The following NFKB1 variants were observed in gnomAD, a reference collection of about 807,000 sequenced individuals.
NFKB1 encodes the protein nuclear factor kappa B subunit 1.
A neutral mutation model predicts 105.1 loss-of-function variants in NFKB1; 9 were observed. The ratio of observed to expected loss-of-function variants is 0.09; its 90% CI spans 0.05 to 0.15. NFKB1 has a LOEUF of 0.15. Among genes scored for constraint, NFKB1 ranks in the 10% least tolerant of loss-of-function variants. The pLI is 1.00. For missense variants in NFKB1, 830 were observed against 1,203.7 expected (o/e 0.69, Z 4.59); for synonymous variants, 440 against 442.2 (o/e 1.00, Z 0.06).
At chr4:102,576,839 G>A (rs1481876599) in intron 6 of NFKB1, 37 bp from the exon 7 acceptor site, 1 of 1,572,444 alleles carries the variant, frequency 6.4e-7, no homozygotes, top group East Asian at 2.3e-5. Context: ...CTAACTTTTG[G>A]TTGTTGTTGC....
intron 1 of NFKB1, among the ~76,000 whole-genome samples, chr4:102,523,900 A>G (rs1740729248): frequency 6.6e-6 from 1 of 152,176 alleles, no homozygotes; most frequent in South Asian, 2.1e-4. Flanking sequence ...TGTAGGGTAT[A>G]CACTAGGTAA....
intron 5 of NFKB1, among the ~76,000 whole-genome samples, chr4:102,559,889 G>A (rs1388590623): frequency 1.3e-5 from 2 of 149,942 alleles, no homozygotes; most frequent in African/African-American, 4.9e-5. Context: ...AGTGAGCCAT[G>A]ATCATACCAC....
intron 2 of NFKB1, among the ~76,000 whole-genome samples, chr4:102,528,721 C>T (rs180947576): frequency 6.6e-5 from 10 of 152,098 alleles, no homozygotes; most frequent in African/African-American, 2.2e-4. Context: ...AATGAGCCAG[C>T]GGTTACAATG....
chr4:102,597,424 C>G, intron 14 of NFKB1, 96 bp from the exon 15 acceptor site: 1 of 1,276,298 alleles, frequency 7.8e-7, no homozygotes, highest in Non-Finnish European at 1.1e-6. Flanking sequence ...GTCAAGGTGT[C>G]AGAACACTGA....
At chr4:102,506,050 G>A (rs2149093622) in intron 1 of NFKB1, among the ~76,000 whole-genome samples, 1 of 152,132 alleles carries the variant, frequency 6.6e-6, no homozygotes, top group African/African-American at 2.4e-5. Flanking sequence ...AAAAGTATCT[G>A]GCGCCTTCCA....
At chr4:102,507,325 C>G (rs1320868878) in intron 1 of NFKB1, among the ~76,000 whole-genome samples, 1 of 152,026 alleles carries the variant, frequency 6.6e-6, no homozygotes, top group Non-Finnish European at 1.5e-5. Context: ...GAAGCATAAA[C>G]AAAACAAACA....
chr4:102,615,126 C>T (rs1156422290), intron 23 of NFKB1, among the ~76,000 whole-genome samples: 2 of 152,154 alleles, frequency 1.3e-5, no homozygotes, highest in African/African-American at 2.4e-5. Flanking sequence ...TCTAAAAAAT[C>T]AGTGACATTG....
intron 1 of NFKB1, among the ~76,000 whole-genome samples, chr4:102,515,676 T>A (rs1341028617): frequency 1.3e-5 from 2 of 152,202 alleles, no homozygotes; most frequent in African/African-American, 4.8e-5. Context: ...ATGTTATACT[T>A]CTGTTTGTCC....
At position 102,607,263 on chromosome 4, in the gene NFKB1, C is replaced by T. The variant is rs754244341; in HGVS notation, c.2068C>T (p.Leu690=). 2.5e-6 allele frequency: 4 copies of T among 1,614,230 alleles called. No homozygotes were observed. The highest frequency in any genetic ancestry group is 2.7e-5 in the African/African-American group (2 of 75,060). Residue 690 remains leucine, a synonymous_variant, in exon 18 of 24, where the codon CTG becomes TTG. Coordinates refer to ENST00000226574, the MANE Select transcript of NFKB1 (RefSeq NM_003998.4). ...GGAGCAGAAGTCCGGGCGCACAGCA[C>T]TGCACCTGGCTGTGGAGCACGACAA... is the stretch of plus-strand genomic sequence containing the variant. The part of the protein sequence containing the change: ...AQEQKSGRTA[L]HLAVEHDNIS...
chr4:102,540,775 G>A (rs547930129), intron 5 of NFKB1, among the ~76,000 whole-genome samples: 5 of 152,006 alleles, frequency 3.3e-5, no homozygotes, highest in African/African-American at 4.8e-5. Context: ...AAGAGACAAC[G>A]GCCAGGTATT....
chr4:102,613,007 T>A (rs949558019), intron 22 of NFKB1, among the ~76,000 whole-genome samples: 2 of 142,724 alleles, frequency 1.4e-5, no homozygotes, highest in Non-Finnish European at 3.0e-5. Context: ...TACCCGGGGA[T>A]TTTTTTTTTT....
chr4:102,615,204 A>T (rs1321278261), intron 23 of NFKB1, among the ~76,000 whole-genome samples: 6 of 152,188 alleles, frequency 3.9e-5, no homozygotes, highest in African/African-American at 1.4e-4. Context: ...TCCAGCATAC[A>T]CTGTGTGCCT....
intron 11 of NFKB1, among the ~76,000 whole-genome samples, chr4:102,590,910 G>T (rs1198259629): frequency 1.3e-5 from 2 of 152,192 alleles, no homozygotes; most frequent in Non-Finnish European, 2.9e-5. Context: ...CAAGGTTTTA[G>T]TGGTCTGAGT....
intron 5 of NFKB1, among the ~76,000 whole-genome samples, chr4:102,543,362 C>T (rs1721873214): frequency 6.6e-6 from 1 of 152,194 alleles, no homozygotes; most frequent in South Asian, 2.1e-4. Flanking sequence ...ACAAGAATGA[C>T]TTTGATTGTA....
At chr4:102,606,769 G>GT in intron 17 of NFKB1, 72 bp downstream of exon 17, 3 of 1,474,246 alleles carry the variant, frequency 2.0e-6, no homozygotes, top group Non-Finnish European at 2.8e-6. Context: ...TTTGATAAAC[G>GT]TGTGTTATTT....
At position 102,505,613 on chromosome 4, in the gene NFKB1, A is replaced by G. The variant is rs186484460; in HGVS notation, c.-8+3825A>G. Among the ~76,000 whole-genome samples the G allele has an allele frequency of 2.8e-3, 431 of 152,302 alleles. 4 individuals are homozygous for G. Among genetic ancestry groups the G allele is most frequent in the African/African-American group, 0.01 (424 of 41,584 alleles). ...GATATCAACAGACTTGAGTTCATCT[A>G]TGGATCCTATTAGTTTAAACTGTGA... is the stretch of plus-strand genomic sequence containing the variant. On this transcript the variant is annotated intron_variant, in intron 1 of 23. Transcript: ENST00000226574.
At chr4:102,530,763 T>TA (rs1230153708) in intron 3 of NFKB1, among the ~76,000 whole-genome samples, 1 of 152,224 alleles carries the variant, frequency 6.6e-6, no homozygotes, top group Non-Finnish European at 1.5e-5. Context: ...CTACAGTACT[T>TA]ACTTTTCTTT....
chr4:102,606,714 C>T lies in NFKB1; in HGVS notation c.1954+17C>T, dbSNP rs537156193. Reference sequence around the variant, plus strand: ...ACGGGGACGGTAAGAGACAATCACACATCATTGGTGTAACTTTCTCCACCT... The same window carrying T: ...ACGGGGACGGTAAGAGACAATCACATATCATTGGTGTAACTTTCTCCACCT... On this transcript the variant is annotated intron_variant, in intron 17 of 23. Transcript: ENST00000226574. The T allele has an allele frequency of 1.9e-6, 3 of 1,607,776 alleles. No individual in the cohort carries two copies. Among genetic ancestry groups the T allele is most frequent in the Non-Finnish European group, 8.5e-7 (1 of 1,175,474 alleles).
At chr4:102,562,602 C>A (rs952283462) in intron 5 of NFKB1, among the ~76,000 whole-genome samples, 3 of 152,136 alleles carry the variant, frequency 2.0e-5, no homozygotes, top group Admixed American at 2.0e-4. Context: ...TGCATTAACT[C>A]ATTTAATCCT....
Sources: gnomAD v4.1 joint callset for allele counts (sites outside exome capture counted in the v4.1 genomes callset) on GRCh38, gnomAD v4.1.1 for gene constraint, MANE v1.5 for transcripts, NCBI Gene and HGNC (gene_info 2026-07-23, HGNC 2026-07-21) for gene names.